Variants in GCNT2 observed in about 807,000 individuals in gnomAD.
The protein encoded by GCNT2 is N-acetyllactosaminide beta-1,6-N-acetylglucosaminyl-transferase.
GCNT2 carries 34 observed loss-of-function variants against 34.2 expected under a neutral mutation model. The ratio of observed to expected loss-of-function variants is 1.00; its 90% CI spans 0.76 to 1.32. The LOEUF (loss-of-function observed/expected upper bound fraction) is 1.32. Ranked by LOEUF, GCNT2 falls within the 40% of genes most tolerant of loss-of-function variation. The pLI, the probability that GCNT2 is intolerant of heterozygous loss-of-function variation, is 0.00. For synonymous variants in GCNT2, 212 were observed against 188.0 expected (o/e 1.13, Z -1.04); for missense variants, 584 against 489.4 (o/e 1.19, Z -1.82).
At chr6:10,617,062 T>A (rs1765801690) in intron 3 of GCNT2, among the ~76,000 whole-genome samples, 1 of 152,202 alleles carries the variant, frequency 6.6e-6, no homozygotes. Context: ...GCGCCTGCAC[T>A]CCTTAGCCTT....
rs993772102 is a variant in GCNT2 at position 10,528,802 on chromosome 6, T to A, written c.-110T>A. On this transcript the variant is annotated 5_prime_UTR_variant, in exon 3 of 5. Coordinates refer to ENST00000495262, the MANE Select transcript of GCNT2 (RefSeq NM_145649.5). ...GGACAGGGAACAGCCAGACGAGAGC[T>A]TCAGCCATCACGAGGATGATTTCGG... The A allele has an allele frequency of 2.1e-5, 18 of 871,328 alleles. No individual in the cohort carries two copies. The highest frequency in any genetic ancestry group is 3.3e-5 in the Non-Finnish European group (17 of 517,028). 54.0% of individuals were successfully genotyped at this position (871,328 alleles called of 1,614,324 possible). A position where few individuals can be genotyped will look rare whatever the true frequency, so the allele number is the denominator to read the frequency against.
At chr6:10,588,199 A>C (rs553175604) in intron 3 of GCNT2, among the ~76,000 whole-genome samples, 1 of 152,302 alleles carries the variant, frequency 6.6e-6, no homozygotes, top group East Asian at 1.9e-4. Context: ...ATTTTCAGAG[A>C]TGCTAAACTG....
chr6:10,583,563 G>A (rs1374005326), intron 3 of GCNT2, among the ~76,000 whole-genome samples: 1 of 152,170 alleles, frequency 6.6e-6, no homozygotes, highest in Non-Finnish European at 1.5e-5. Context: ...CTGCAAGCAG[G>A]TGAACTCTGA....
chr6:10,600,827 T>C (rs1208973220), intron 3 of GCNT2, among the ~76,000 whole-genome samples: 2 of 152,076 alleles, frequency 1.3e-5, no homozygotes, highest in Non-Finnish European at 2.9e-5. Flanking sequence ...AGTGCAGTGA[T>C]GCGATCTTGG....
intron 3 of GCNT2, among the ~76,000 whole-genome samples, chr6:10,590,894 T>C (rs1299410481): frequency 6.6e-6 from 1 of 152,212 alleles, no homozygotes; most frequent in African/African-American, 2.4e-5. Flanking sequence ...TGACATCCTC[T>C]CATAAAGAAT....
chr6:10,586,955 C>T (rs374644408), intron 3 of GCNT2: 2 of 1,377,622 alleles, frequency 1.5e-6, no homozygotes, highest in African/African-American at 1.4e-5. Context: ...ATTGAGTTTG[C>T]TAACATTCTG....
At chr6:10,579,643 C>T (rs542081874) in intron 3 of GCNT2, among the ~76,000 whole-genome samples, 27 of 151,954 alleles carry the variant, frequency 1.8e-4, no homozygotes, top group African/African-American at 6.5e-4. Flanking sequence ...GAGTGAAATC[C>T]CGTCTCTACT....
At chr6:10,563,654 A>G (rs971505648) in intron 3 of GCNT2, among the ~76,000 whole-genome samples, 1 of 151,460 alleles carries the variant, frequency 6.6e-6, no homozygotes, top group East Asian at 1.9e-4. Flanking sequence ...AGGCAGGAGA[A>G]TCGCTTGAAC....
intron 3 of GCNT2, chr6:10,555,665 C>A: frequency 1.1e-6 from 1 of 877,940 alleles, no homozygotes; most frequent in African/African-American, 1.8e-5. Flanking sequence ...GAGTCAGGAG[C>A]CCAAGGCGCC....
chr6:10,556,416 T>C (rs1411429265), intron 3 of GCNT2: 1 of 1,613,776 alleles, frequency 6.2e-7, no homozygotes, highest in Admixed American at 1.7e-5. Flanking sequence ...TTCACCCTTC[T>C]TTGAGGCATG....
intron 3 of GCNT2, among the ~76,000 whole-genome samples, chr6:10,549,251 A>G (rs894200771): frequency 1.3e-5 from 2 of 152,168 alleles, no homozygotes; most frequent in African/African-American, 4.8e-5. Context: ...ACCCTGCTCT[A>G]TAGTAACTGT....
intron 3 of GCNT2, among the ~76,000 whole-genome samples, chr6:10,598,728 G>A (rs1049340305): frequency 3.3e-5 from 5 of 152,196 alleles, no homozygotes; most frequent in African/African-American, 9.7e-5. Context: ...GCTGGACAAG[G>A]CTAGTGTAGT....
intron 3 of GCNT2, chr6:10,585,759 T>C (rs1478115513): frequency 2.5e-5 from 35 of 1,413,444 alleles, no homozygotes; most frequent in Non-Finnish European, 3.1e-5. Context: ...CCTGGGGAAC[T>C]GCAGACCAAA....
At chr6:10,582,295 C>G (rs1210255992) in intron 3 of GCNT2, among the ~76,000 whole-genome samples, 1 of 107,682 alleles carries the variant, frequency 9.3e-6, no homozygotes, top group African/African-American at 4.2e-5. Context: ...TATAATATTA[C>G]TATATATTTA....
At chr6:10,576,988 G>A (rs1763849185) in intron 3 of GCNT2, among the ~76,000 whole-genome samples, 1 of 152,172 alleles carries the variant, frequency 6.6e-6, no homozygotes, top group Non-Finnish European at 1.5e-5. Flanking sequence ...TGAAGTGGAA[G>A]AATCTCTTGA....
At chr6:10,569,923 TTCTC>T (rs1056125294) in intron 3 of GCNT2, among the ~76,000 whole-genome samples, 9 of 144,374 alleles carry the variant, frequency 6.2e-5, no homozygotes, top group African/African-American at 1.3e-4. Flanking sequence ...CTTCCTTCCT[TTCTC>T]TCTCTCTTCC....
intron 3 of GCNT2, chr6:10,581,701 C>T: frequency 1.0e-6 from 1 of 970,106 alleles, no homozygotes; most frequent in Non-Finnish European, 1.2e-6. Flanking sequence ...TATCAGAGCT[C>T]CTTATTGTAG....
In GCNT2 at chr6:10,604,874, AAAAAGAAAG is replaced by A. The variant is rs1382890101; in HGVS notation, c.926-16472_926-16464del. On this transcript the variant is annotated intron_variant, in intron 3 of 4. Transcript: ENST00000495262. ...ACCTTGTCTCAAAAAAAAGAAAAAGAAAAAGAAAGAAAAATGTATTATCTTTATAAAAAA... is the reference window on the plus strand; with the variant it reads ...ACCTTGTCTCAAAAAAAAGAAAAAGAAAAAATGTATTATCTTTATAAAAAA... Among the ~76,000 whole-genome samples, 3 of 112,112 alleles carry A rather than the reference AAAAAGAAAG, an allele frequency of 2.7e-5. No homozygotes were observed. The East Asian group carries it at 1.0e-3, about 39-fold the overall frequency. The allele number at this position is 112,112 out of a possible 152,430, so 73.5% of individuals were successfully genotyped here. A position where few individuals can be genotyped will look rare whatever the true frequency, so the allele number is the denominator to read the frequency against.
At chr6:10,602,230 TA>T (rs1220361446) in intron 3 of GCNT2, among the ~76,000 whole-genome samples, 1 of 152,220 alleles carries the variant, frequency 6.6e-6, no homozygotes, top group Non-Finnish European at 1.5e-5. Context: ...ACTGAAGTTT[TA>T]CATTGCTCTT....
Sources: gnomAD v4.1 joint callset for allele counts (sites outside exome capture counted in the v4.1 genomes callset) on GRCh38, gnomAD v4.1.1 for gene constraint, MANE v1.5 for transcripts, NCBI Gene and HGNC (gene_info 2026-07-23, HGNC 2026-07-21) for gene names.